The following SMG6 variants were observed in gnomAD, a reference collection of about 807,000 sequenced individuals.
SMG6 encodes SMG6 nonsense mediated mRNA decay factor.
SMG6 carries 66 observed loss-of-function variants against 142.2 expected under a neutral mutation model. The ratio of observed to expected loss-of-function variants is 0.46; its 90% CI spans 0.38 to 0.57. The LOEUF (loss-of-function observed/expected upper bound fraction) is 0.57, where lower values mean the gene tolerates loss of function less well. SMG6 is among the 20% of genes least tolerant of loss of function. The pLI is 0.00. For missense variants in SMG6, 1,793 were observed against 1,832.0 expected (o/e 0.98, Z 0.39); for synonymous variants, 779 against 702.4 (o/e 1.11, Z -1.72).
chr17:2,269,294 G>A (rs1490542578), intron 8 of SMG6, among the ~76,000 whole-genome samples: 1 of 151,534 alleles, frequency 6.6e-6, no homozygotes, highest in Non-Finnish European at 1.5e-5. Context: ...GGCAGGCTGA[G>A]GCATGAGAAT....
intron 8 of SMG6, among the ~76,000 whole-genome samples, chr17:2,281,326 G>A (rs926932012): frequency 6.6e-6 from 1 of 152,020 alleles, no homozygotes; most frequent in Non-Finnish European, 1.5e-5. Flanking sequence ...CAGAAGCCTC[G>A]TTTTGTTGAC....
chr17:2,184,800 A>G (rs1257501813), intron 12 of SMG6, among the ~76,000 whole-genome samples: 1 of 150,854 alleles, frequency 6.6e-6, no homozygotes, highest in Non-Finnish European at 1.5e-5. Flanking sequence ...CCCCGTCTCT[A>G]TTAAAAATAC....
At chr17:2,211,895 C>T (rs1432183749) in intron 10 of SMG6, among the ~76,000 whole-genome samples, 1 of 152,132 alleles carries the variant, frequency 6.6e-6, no homozygotes, top group Admixed American at 6.5e-5. Flanking sequence ...CCTGCCCAAC[C>T]TGCCAATCAA....
At chr17:2,274,170 G>A (rs1272330481) in intron 8 of SMG6, among the ~76,000 whole-genome samples, 3 of 152,202 alleles carry the variant, frequency 2.0e-5, no homozygotes, top group Admixed American at 2.0e-4. Flanking sequence ...AAGGTGAGTG[G>A]TGGCAACAAA....
At chr17:2,226,599 C>A (rs531358114) in intron 10 of SMG6, among the ~76,000 whole-genome samples, 15,661 of 138,684 alleles carry the variant, frequency 0.11, 1,241 homozygotes, top group African/African-American at 0.24. Context: ...AACAAACAAA[C>A]AAAAAAAAAA....
At chr17:2,110,080 T>A (rs1597397635) in intron 13 of SMG6, among the ~76,000 whole-genome samples, 2 of 65,954 alleles carry the variant, frequency 3.0e-5, no homozygotes, top group Non-Finnish European at 2.5e-5. Context: ...AGATTCCATC[T>A]CAAAAAAAAA....
intron 13 of SMG6, among the ~76,000 whole-genome samples, chr17:2,153,471 C>G (rs2070888392): frequency 6.6e-6 from 1 of 152,220 alleles, no homozygotes; most frequent in Admixed American, 6.5e-5. Flanking sequence ...TTTCTCAAAA[C>G]TGTACAACAG....
intron 15 of SMG6, among the ~76,000 whole-genome samples, chr17:2,076,633 T>C (rs1426643813): frequency 6.6e-6 from 1 of 152,134 alleles, no homozygotes; most frequent in Non-Finnish European, 1.5e-5. Flanking sequence ...CAGATGTGTC[T>C]GGCTTACGTT....
intron 13 of SMG6, among the ~76,000 whole-genome samples, chr17:2,151,771 A>G (rs957266842): frequency 2.0e-5 from 3 of 152,194 alleles, no homozygotes; most frequent in Admixed American, 2.0e-4. Flanking sequence ...TGCCCAGTGG[A>G]AAGAATTCCA....
intron 8 of SMG6, among the ~76,000 whole-genome samples, chr17:2,256,532 C>T (rs925892908): frequency 1.3e-5 from 2 of 152,028 alleles, no homozygotes; most frequent in Admixed American, 6.6e-5. Context: ...GAGGCTGAGG[C>T]GGGTGGATCG....
At chr17:2,207,074 C>A (rs1479838780) in intron 10 of SMG6, among the ~76,000 whole-genome samples, 1 of 141,788 alleles carries the variant, frequency 7.1e-6, no homozygotes, top group Non-Finnish European at 1.5e-5. Context: ...CAGTTCAAGA[C>A]CATGCTGGCC....
At chr17:2,164,204 C>T (rs535091508) in intron 13 of SMG6, among the ~76,000 whole-genome samples, 1 of 152,002 alleles carries the variant, frequency 6.6e-6, no homozygotes, top group African/African-American at 2.4e-5. Flanking sequence ...GGGCAAATCA[C>T]TTGAGGTCAG....
chr17:2,100,164 G>A (rs1428330111), intron 13 of SMG6, among the ~76,000 whole-genome samples: 1 of 151,830 alleles, frequency 6.6e-6, no homozygotes, highest in African/African-American at 2.4e-5. Context: ...CAGCCTCCTG[G>A]GCAACAGGGA....
In SMG6 at chr17:2,297,179, C is replaced by G; in HGVS notation, c.2151+64G>C. The G allele has an allele frequency of 2.6e-6, 3 of 1,166,992 alleles. No homozygotes were observed. In the Admixed American group the frequency reaches 6.0e-5, roughly 23 times the overall value. 72.3% of individuals were successfully genotyped at this position (1,166,992 alleles called of 1,614,324 possible). A position where few individuals can be genotyped will look rare whatever the true frequency, so the allele number is the denominator to read the frequency against. ...ACCCAGTACAGTGTCTAGCACATAC[C>G]TAACACTAGATAAACGCTTACGAAA... On this transcript the variant is annotated intron_variant, in intron 4 of 18. Coordinates refer to ENST00000263073, the MANE Select transcript of SMG6 (RefSeq NM_017575.5).
chr17:2,127,213 C>G (rs2641431), intron 13 of SMG6, among the ~76,000 whole-genome samples: 32,146 of 149,876 alleles, frequency 0.21, 3,641 homozygotes, highest in African/African-American at 0.28. Flanking sequence ...TAGGGAAATG[C>G]ATAGAGCTAG....
chr17:2,223,025 C>T (rs746873443), intron 10 of SMG6, among the ~76,000 whole-genome samples: 6 of 152,186 alleles, frequency 3.9e-5, no homozygotes, highest in African/African-American at 7.2e-5. Flanking sequence ...CACAGGTGTG[C>T]CTCAAAGAAG....
intron 13 of SMG6, among the ~76,000 whole-genome samples, chr17:2,147,970 G>A (rs984799391): frequency 6.6e-6 from 1 of 151,782 alleles, no homozygotes; most frequent in Non-Finnish European, 1.5e-5. Context: ...TGGGTGGATC[G>A]CTTGAGCTCA....
chr17:2,286,923 ATTTTTTTTTT>A lies in SMG6; in HGVS notation c.2338-3198_2338-3189del, dbSNP rs59503723. ...TCTTGACAACACAAAACATAAAATAATTTTTTTTTTTTTTTTTTTTTTTTTTGAGACAGAG... is the reference window on the plus strand; with the variant it reads ...TCTTGACAACACAAAACATAAAATAATTTTTTTTTTTTTTTTGAGACAGAG... On this transcript the variant is annotated intron_variant, in intron 6 of 18. Transcript: ENST00000263073. Among the ~76,000 whole-genome samples, 5 of 111,462 alleles carry A rather than the reference ATTTTTTTTTT, an allele frequency of 4.5e-5. No homozygotes were observed. In the East Asian group the frequency reaches 1.2e-3, roughly 27 times the overall value. The allele number at this position is 111,462 out of a possible 152,430, so 73.1% of individuals were successfully genotyped here.
intron 12 of SMG6, among the ~76,000 whole-genome samples, chr17:2,186,360 G>C (rs2071983961): frequency 6.6e-6 from 1 of 152,040 alleles, no homozygotes; most frequent in South Asian, 2.1e-4. Flanking sequence ...GGCAGCTGCA[G>C]AGATGGTGAG....
Sources: allele counts gnomAD v4.1 joint callset (sites outside exome capture counted in the v4.1 genomes callset), GRCh38; gene constraint gnomAD v4.1.1; transcripts MANE v1.5; gene names NCBI Gene and HGNC (gene_info 2026-07-23, HGNC 2026-07-21).